The following HDAC9 variants were observed in gnomAD, a reference collection of about 807,000 sequenced individuals.
The protein encoded by HDAC9 is histone deacetylase 9.
A neutral mutation model predicts 139.4 loss-of-function variants in HDAC9; 41 were observed. That is an observed-to-expected ratio of 0.29 (90% confidence interval 0.23 to 0.38). HDAC9 has a LOEUF of 0.38. HDAC9 is among the 10% of genes least tolerant of loss of function. The probability of loss-of-function intolerance (pLI) is 1.00; values close to 1 mark genes in which losing one functional copy is unlikely to be tolerated. For synonymous variants in HDAC9, 517 were observed against 476.2 expected, an observed-to-expected ratio of 1.09 and a Z score of -1.12; for missense variants, 1,147 against 1,297.0, an observed-to-expected ratio of 0.88 and a Z score of 1.78.
chr7:18,135,292 A>C (rs1474253317), intron 1 of HDAC9, among the ~76,000 whole-genome samples: 2 of 143,942 alleles, frequency 1.4e-5, no homozygotes, highest in Non-Finnish European at 3.1e-5. Flanking sequence ...TATTTACCAT[A>C]TTCTTTTTTT....
At chr7:18,641,351 A>G (rs1785538526) in intron 8 of HDAC9, among the ~76,000 whole-genome samples, 1 of 152,058 alleles carries the variant, frequency 6.6e-6, no homozygotes, top group Admixed American at 6.6e-5. Flanking sequence ...CTCATGTCCC[A>G]ACATAATGCT....
chr7:18,872,629 G>T (rs533369096), intron 21 of HDAC9, among the ~76,000 whole-genome samples: 33 of 152,196 alleles, frequency 2.2e-4, no homozygotes, highest in African/African-American at 7.7e-4. Context: ...CTTCTCTGTA[G>T]GCACTTATAC....
At chr7:18,198,880 C>G (rs1305140190) in intron 2 of HDAC9, among the ~76,000 whole-genome samples, 1 of 151,630 alleles carries the variant, frequency 6.6e-6, no homozygotes, top group East Asian at 1.9e-4. Flanking sequence ...TTTTTTTTAT[C>G]AAATAGAACT....
intron 1 of HDAC9, among the ~76,000 whole-genome samples, chr7:18,456,479 C>T (rs1489960034): frequency 2.6e-5 from 4 of 152,102 alleles, no homozygotes; most frequent in African/African-American, 9.7e-5. Context: ...CAGGTATCCA[C>T]CCACGTCGGC....
chr7:18,819,217 T>C (rs957543496), intron 17 of HDAC9, among the ~76,000 whole-genome samples: 13 of 152,046 alleles, frequency 8.6e-5, no homozygotes, highest in South Asian at 2.1e-4. Context: ...GAGGCGGAGG[T>C]TGCAGTGAGC....
intron 2 of HDAC9, among the ~76,000 whole-genome samples, chr7:18,189,755 G>A (rs1237199631): frequency 2.6e-5 from 4 of 152,192 alleles, no homozygotes; most frequent in South Asian, 4.2e-4. Context: ...CCTTTCTCAC[G>A]CATTACTGAG....
chr7:18,990,403 G>A (rs951695145), intron 25 of HDAC9, among the ~76,000 whole-genome samples: 16 of 152,186 alleles, frequency 1.1e-4, no homozygotes, highest in East Asian at 1.9e-4. Flanking sequence ...CAGTCTGCCC[G>A]TTTTCAGATC....
At chr7:18,677,989 G>A (rs1414422878) in intron 12 of HDAC9, among the ~76,000 whole-genome samples, 1 of 151,798 alleles carries the variant, frequency 6.6e-6, no homozygotes, top group Non-Finnish European at 1.5e-5. Flanking sequence ...TTTATATGAT[G>A]TGAAGACAGG....
At chr7:18,509,407 A>AACGTGCT in intron 2 of HDAC9, 1 of 985,474 alleles carries the variant, frequency 1.0e-6, no homozygotes, top group African/African-American at 1.7e-5. Context: ...ACTCCTGGCC[A>AACGTGCT]ACGTGCTTTG....
intron 1 of HDAC9, among the ~76,000 whole-genome samples, chr7:18,310,175 T>C (rs1585112224): frequency 6.7e-6 from 1 of 148,658 alleles, no homozygotes; most frequent in African/African-American, 2.5e-5. Flanking sequence ...GGGGGTGGGG[T>C]TGGGGGGAAT....
At chr7:18,870,615 G>A (rs1798841784) in intron 21 of HDAC9, among the ~76,000 whole-genome samples, 1 of 152,096 alleles carries the variant, frequency 6.6e-6, no homozygotes, top group African/African-American at 2.4e-5. Flanking sequence ...TTGGAATTAT[G>A]CAAATATAAT....
chr7:18,211,283 G>C (rs1791920064), intron 2 of HDAC9, among the ~76,000 whole-genome samples: 1 of 152,148 alleles, frequency 6.6e-6, no homozygotes, highest in African/African-American at 2.4e-5. Flanking sequence ...GTTTCAACAT[G>C]ACAAATCTGA....
upstream of HDAC9, among the ~76,000 whole-genome samples, chr7:18,287,597 T>C (rs1267527513): frequency 2.0e-5 from 3 of 152,210 alleles, no homozygotes; most frequent in African/African-American, 7.2e-5. Context: ...CTCAGAATCC[T>C]GGTTGGCCAC....
intron 2 of HDAC9, among the ~76,000 whole-genome samples, chr7:18,250,094 G>C (rs960727926): frequency 2.0e-5 from 3 of 152,168 alleles, no homozygotes; most frequent in African/African-American, 7.2e-5. Flanking sequence ...ATTGAAATAG[G>C]AAGGAAAACC....
intron 24 of HDAC9, 22 bp from the exon 25 acceptor site, chr7:18,975,784 G>A (rs1442799310): frequency 3.7e-6 from 6 of 1,611,224 alleles, no homozygotes; most frequent in South Asian, 1.1e-5. Context: ...TTCTTATGAA[G>A]TATGATGGAT....
At chr7:18,883,631 A>G (rs2129258904) in intron 22 of HDAC9, among the ~76,000 whole-genome samples, 1 of 152,244 alleles carries the variant, frequency 6.6e-6, no homozygotes, top group East Asian at 1.9e-4. Context: ...CAGGAACAAG[A>G]TAAGGATGCT....
intron 2 of HDAC9, among the ~76,000 whole-genome samples, chr7:18,195,100 A>G (rs1450466314): frequency 1.3e-5 from 2 of 152,144 alleles, no homozygotes; most frequent in East Asian, 1.9e-4. Context: ...AGTATGGGGA[A>G]CTGAAAACTT....
At chr7:18,724,019 T>TAC (rs1206999911) in intron 12 of HDAC9, among the ~76,000 whole-genome samples, 1 of 152,140 alleles carries the variant, frequency 6.6e-6, no homozygotes, top group Non-Finnish European at 1.5e-5. Context: ...AAGATCATGT[T>TAC]ACACACACAC....
In HDAC9 at chr7:18,342,492, T is replaced by C. The variant is rs191715962; in HGVS notation, c.-42+51977T>C. Among the ~76,000 whole-genome samples, 16 of 152,040 alleles carry C rather than the reference T, an allele frequency of 1.1e-4. No homozygotes were observed. In the East Asian group the frequency reaches 2.7e-3, roughly 26 times the overall value. ...GTGGGATAGTAAATCTGGTTCATTA[T>C]GCCATCTTGACAGGAAATGGAGTTT... On this transcript the variant is annotated intron_variant, in intron 1 of 3. Coordinates refer to the HDAC9 transcript ENST00000413509.
Sources: allele counts gnomAD v4.1 joint callset (sites outside exome capture counted in the v4.1 genomes callset), GRCh38; gene constraint gnomAD v4.1.1; transcripts MANE v1.5; gene names NCBI Gene and HGNC (gene_info 2026-07-23, HGNC 2026-07-21).